PPARGC1A: variants seen among roughly 807,000 people sequenced by gnomAD.
The protein encoded by PPARGC1A is peroxisome proliferator-activated receptor gamma coactivator 1-alpha.
In PPARGC1A, 25 loss-of-function variants were observed where a neutral mutation model predicts 88.7. The observed-to-expected ratio is 0.28, with a 90% confidence interval of 0.21 to 0.39. The LOEUF (loss-of-function observed/expected upper bound fraction) is 0.39, where lower values mean the gene tolerates loss of function less well. Ranked by LOEUF, PPARGC1A falls within the 10% of genes least tolerant of loss-of-function variation. The pLI is 1.00. For missense variants in PPARGC1A, 880 were observed against 968.7 expected, an observed-to-expected ratio of 0.91 and a Z score of 1.22; for synonymous variants, 363 against 355.6, an observed-to-expected ratio of 1.02 and a Z score of -0.24.
the PPARGC1A span, among the ~76,000 whole-genome samples, chr4:24,339,443 C>A: frequency 6.6e-6 from 1 of 151,658 alleles, no homozygotes; most frequent in Admixed American, 6.6e-5. Flanking sequence ...AATTCATCAC[C>A]TTTTTCCCAG....
the PPARGC1A span, among the ~76,000 whole-genome samples, chr4:24,152,161 A>G: frequency 4.6e-5 from 7 of 152,242 alleles, no homozygotes; most frequent in Non-Finnish European, 1.5e-5. Context: ...ACTTCCTCAC[A>G]AAACATGAAG....
chr4:23,913,239 ATT>A, the PPARGC1A span, among the ~76,000 whole-genome samples: 49 of 112,588 alleles, frequency 4.4e-4, no homozygotes, highest in East Asian at 8.9e-4. Flanking sequence ...TATATTATAT[ATT>A]TTATATATAT....
At chr4:24,013,507 C>T in the PPARGC1A span, among the ~76,000 whole-genome samples, 20 of 152,220 alleles carry the variant, frequency 1.3e-4, no homozygotes, top group African/African-American at 4.8e-4. Context: ...TGCCTACTTG[C>T]TTTCCTAATA....
chr4:24,375,160 A>G, the PPARGC1A span, among the ~76,000 whole-genome samples: 12 of 152,238 alleles, frequency 7.9e-5, 1 homozygote, highest in African/African-American at 2.6e-4. Flanking sequence ...CAGGCCCCAA[A>G]TGTGAAGTTT....
the PPARGC1A span, among the ~76,000 whole-genome samples, chr4:24,427,626 G>A: frequency 4.5e-4 from 68 of 152,262 alleles, 2 homozygotes; most frequent in East Asian, 0.012. Context: ...CAGCTGCAGC[G>A]TGCCATAGGT....
At chr4:23,841,455 TACC>T (rs1160393019) in intron 2 of PPARGC1A, among the ~76,000 whole-genome samples, 1 of 152,078 alleles carries the variant, frequency 6.6e-6, no homozygotes, top group African/African-American at 2.4e-5. Context: ...TGTATTTATA[TACC>T]TTAATTCATA....
At chr4:23,865,661 C>T (rs1711771732) in intron 2 of PPARGC1A, among the ~76,000 whole-genome samples, 1 of 152,172 alleles carries the variant, frequency 6.6e-6, no homozygotes, top group Admixed American at 6.5e-5. Flanking sequence ...GACACCTTTC[C>T]ACCTCTTACC....
At chr4:24,168,645 A>T in the PPARGC1A span, among the ~76,000 whole-genome samples, 1 of 133,490 alleles carries the variant, frequency 7.5e-6, no homozygotes, top group Non-Finnish European at 1.5e-5. Flanking sequence ...AGACATAGAC[A>T]CACACACACA....
At chr4:24,331,537 G>A in the PPARGC1A span, among the ~76,000 whole-genome samples, 1 of 152,034 alleles carries the variant, frequency 6.6e-6, no homozygotes, top group African/African-American at 2.4e-5. Flanking sequence ...TCAATCCCCA[G>A]GACAGTTTCT....
Position 23,814,666 on chromosome 4 carries a change from G to C in PPARGC1A, c.878-61C>G, listed in dbSNP as rs527245271. Reference sequence around the variant, plus strand: ...GAGAAAGAAAAGAGACAGAGATAATGTTCTTAAATGCGAAGACACATGTTT... The same window carrying C: ...GAGAAAGAAAAGAGACAGAGATAATCTTCTTAAATGCGAAGACACATGTTT... On this transcript the variant is annotated intron_variant, in intron 7 of 12. Coordinates refer to ENST00000264867, the MANE Select transcript of PPARGC1A (RefSeq NM_013261.5). 618 of 1,359,368 alleles carry C rather than the reference G, an allele frequency of 4.5e-4. 1 individual carries two copies. Among genetic ancestry groups the C allele is most frequent in the Non-Finnish European group, 5.6e-4 (564 of 1,016,174 alleles). 84.2% of individuals were successfully genotyped at this position (1,359,368 alleles called of 1,614,324 possible). A position where few individuals can be genotyped will look rare whatever the true frequency, so the allele number is the denominator to read the frequency against.
chr4:24,387,694 G>A, the PPARGC1A span, among the ~76,000 whole-genome samples: 4 of 149,690 alleles, frequency 2.7e-5, no homozygotes, highest in South Asian at 8.5e-4. Flanking sequence ...CTGAGATCAT[G>A]CCACTGCACT....
At chr4:23,946,034 C>T in the PPARGC1A span, among the ~76,000 whole-genome samples, 54 of 152,090 alleles carry the variant, frequency 3.6e-4, no homozygotes, top group African/African-American at 1.2e-3. Context: ...GGGCAGAATC[C>T]GCTGTCTCTA....
At chr4:23,984,778 G>A in the PPARGC1A span, among the ~76,000 whole-genome samples, 1 of 152,072 alleles carries the variant, frequency 6.6e-6, no homozygotes, top group African/African-American at 2.4e-5. Context: ...CTGAAGTGCA[G>A]AGAGTAGGAA....
At chr4:24,391,583 A>C in the PPARGC1A span, among the ~76,000 whole-genome samples, 3 of 152,214 alleles carry the variant, frequency 2.0e-5, no homozygotes, top group South Asian at 4.1e-4. Flanking sequence ...TTGTTTCTGC[A>C]GTATAAAACA....
the PPARGC1A span, among the ~76,000 whole-genome samples, chr4:24,383,986 G>T: frequency 6.6e-6 from 1 of 152,002 alleles, no homozygotes; most frequent in Admixed American, 6.5e-5. Flanking sequence ...AAAAGGTCAG[G>T]TTACCCACAA....
At chr4:24,423,837 T>G in the PPARGC1A span, among the ~76,000 whole-genome samples, 28 of 152,198 alleles carry the variant, frequency 1.8e-4, no homozygotes, top group Admixed American at 4.6e-4. Context: ...CTACCAACGC[T>G]GCCTACAAGT....
the PPARGC1A span, among the ~76,000 whole-genome samples, chr4:24,225,637 A>G: frequency 4.6e-4 from 70 of 152,132 alleles, no homozygotes; most frequent in African/African-American, 1.6e-3. Context: ...TTACAAATGG[A>G]TTGCCTATGG....
the PPARGC1A span, among the ~76,000 whole-genome samples, chr4:24,077,569 TTAG>T: frequency 9.2e-5 from 14 of 151,830 alleles, no homozygotes; most frequent in East Asian, 2.1e-3. Flanking sequence ...CCTGAATATT[TTAG>T]TAGATTTTCT....
the PPARGC1A span, among the ~76,000 whole-genome samples, chr4:24,104,126 T>C: frequency 6.6e-6 from 1 of 152,204 alleles, no homozygotes; most frequent in East Asian, 1.9e-4. Context: ...CAAGAGGAAG[T>C]TTTACATGTT....
Sources: gnomAD v4.1 joint callset for allele counts (sites outside exome capture counted in the v4.1 genomes callset) on GRCh38, gnomAD v4.1.1 for gene constraint, MANE v1.5 for transcripts, NCBI Gene and HGNC (gene_info 2026-07-23, HGNC 2026-07-21) for gene names.